NAA35: variants seen among roughly 807,000 people sequenced by gnomAD.
The protein encoded by NAA35 is MAK10 homolog, amino-acid N-acetyltransferase subunit.
In NAA35, 18 loss-of-function variants were observed where a neutral mutation model predicts 101.7. The observed-to-expected ratio is 0.18, with a 90% confidence interval of 0.12 to 0.26. The LOEUF is 0.26. Ranked by LOEUF, NAA35 falls within the 10% of genes least tolerant of loss-of-function variation. The pLI, the probability that NAA35 is intolerant of heterozygous loss-of-function variation, is 1.00. For missense variants in NAA35, 601 were observed against 886.8 expected (o/e 0.68, Z 4.09); for synonymous variants, 267 against 273.1 (o/e 0.98, Z 0.22).
intron 3 of NAA35, among the ~76,000 whole-genome samples, chr9:85,957,994 T>C (rs1013571314): frequency 1.3e-5 from 2 of 151,300 alleles, no homozygotes; most frequent in Admixed American, 6.6e-5. Context: ...CAGGCTGGAG[T>C]GCAACAGTGC....
chr9:86,020,259 G>GGA lies in NAA35; in HGVS notation c.2038-628_2038-627dup, dbSNP rs758395562. Among the ~76,000 whole-genome samples the GGA allele has an allele frequency of 5.9e-5, 9 of 151,938 alleles. No individual in the cohort carries two copies. The East Asian group carries it at 1.4e-3, about 23-fold the overall frequency. On this transcript the variant is annotated intron_variant, in intron 21 of 22. Coordinates refer to ENST00000361671, the MANE Select transcript of NAA35 (RefSeq NM_024635.4). ...GTACCATCTAAGAAAATATAAAGGG[G>GGA]GAGTCTAAAAATTTGAGGAGCTACC...
chr9:85,979,246 C>T (rs1830337411), intron 11 of NAA35, among the ~76,000 whole-genome samples: 1 of 152,198 alleles, frequency 6.6e-6, no homozygotes, highest in South Asian at 2.1e-4. Context: ...CACCCTACTG[C>T]TGTGTCCGGT....
intron 13 of NAA35, among the ~76,000 whole-genome samples, chr9:86,006,720 C>T (rs866631587): frequency 6.6e-6 from 1 of 152,062 alleles, no homozygotes; most frequent in Non-Finnish European, 1.5e-5. Context: ...TGTTCTGTAT[C>T]TTGATTGTGA....
chr9:86,012,420 C>T (rs1418985832), intron 15 of NAA35, among the ~76,000 whole-genome samples: 2 of 152,146 alleles, frequency 1.3e-5, no homozygotes, highest in Admixed American at 1.3e-4. Flanking sequence ...ACTTTCCACT[C>T]TCTAAAGAGT....
intron 6 of NAA35, among the ~76,000 whole-genome samples, chr9:85,969,340 T>C (rs943942970): frequency 2.0e-5 from 3 of 151,428 alleles, no homozygotes; most frequent in African/African-American, 7.3e-5. Flanking sequence ...ACCATATAAA[T>C]AGAAGTAGTC....
At chr9:85,941,460 C>G (rs1828509985) in intron 1 of NAA35, 187 bp downstream of exon 1, 1 of 985,414 alleles carries the variant, frequency 1.0e-6, no homozygotes, top group Non-Finnish European at 1.2e-6. Flanking sequence ...CACTCTTGCC[C>G]GGTGTTGCCG....
chr9:85,971,906 C>T (rs892799071), intron 6 of NAA35, among the ~76,000 whole-genome samples: 2 of 151,782 alleles, frequency 1.3e-5, no homozygotes, highest in Admixed American at 1.3e-4. Context: ...TCATCATCAG[C>T]CCTTGCTTGG....
intron 5 of NAA35, 110 bp downstream of exon 5, chr9:85,959,977 G>C (rs1038949297): frequency 1.4e-6 from 1 of 705,708 alleles, no homozygotes; most frequent in Non-Finnish European, 2.3e-6. Flanking sequence ...TGTAATACTT[G>C]CCCTAGTAAA....
rs985836938 is a variant in NAA35 at position 85,975,724 on chromosome 9, C to A, written c.627+567C>A. On this transcript the variant is annotated intron_variant, in intron 8 of 22. Transcript: ENST00000361671. ...CCACTTGATTCTTTCAACTTTTTGCCAGTGTTTTAGATTTTTACTATGGTA... is the reference window on the plus strand; with the variant it reads ...CCACTTGATTCTTTCAACTTTTTGCAAGTGTTTTAGATTTTTACTATGGTA... 5.3e-5 allele frequency among the ~76,000 whole-genome samples: 8 copies of A among 152,162 alleles called. 1 individual carries two copies. The South Asian group carries it at 1.7e-3, about 32-fold the overall frequency.
intron 11 of NAA35, among the ~76,000 whole-genome samples, chr9:85,980,970 C>T (rs538202593): frequency 5.3e-5 from 8 of 152,264 alleles, no homozygotes; most frequent in African/African-American, 1.7e-4. Flanking sequence ...CTTTTCCACA[C>T]CTACCCTCCA....
chr9:85,946,158 G>A (rs1375744568), intron 2 of NAA35, among the ~76,000 whole-genome samples: 2 of 150,916 alleles, frequency 1.3e-5, no homozygotes, highest in African/African-American at 4.9e-5. Context: ...TCTTTTTAGA[G>A]TTAGGGTTTT....
intron 11 of NAA35, among the ~76,000 whole-genome samples, chr9:85,993,559 G>A (rs530068344): frequency 6.6e-6 from 1 of 152,260 alleles, no homozygotes; most frequent in Non-Finnish European, 1.5e-5. Flanking sequence ...AAAACCTTTC[G>A]GGGTGGTAAA....
At chr9:85,985,964 A>G (rs1316116058) in intron 11 of NAA35, among the ~76,000 whole-genome samples, 1 of 152,234 alleles carries the variant, frequency 6.6e-6, no homozygotes, top group African/African-American at 2.4e-5. Flanking sequence ...AGAGGGAAGC[A>G]TGAGGTTTAG....
chr9:85,968,543 G>A (rs756076474), intron 6 of NAA35, among the ~76,000 whole-genome samples: 1 of 152,106 alleles, frequency 6.6e-6, no homozygotes, highest in Non-Finnish European at 1.5e-5. Flanking sequence ...AGTGGGGTGT[G>A]TGTGTATGTA....
At chr9:86,018,607 T>C (rs927291173) in intron 20 of NAA35, 92 bp from the exon 21 acceptor site, 2 of 1,498,278 alleles carry the variant, frequency 1.3e-6, no homozygotes, top group South Asian at 2.6e-5. Flanking sequence ...TATGAGTGGA[T>C]AGAAAATGTA....
At chr9:85,971,880 G>A (rs76198915) in intron 6 of NAA35, among the ~76,000 whole-genome samples, 6,635 of 146,532 alleles carry the variant, frequency 0.045, 193 homozygotes, top group Middle Eastern at 0.097. Flanking sequence ...CCCCACTGTT[G>A]CAATCCCAAT....
chr9:85,942,697 T>G (rs567670473), intron 2 of NAA35, among the ~76,000 whole-genome samples: 1 of 152,322 alleles, frequency 6.6e-6, no homozygotes, highest in African/African-American at 2.4e-5. Flanking sequence ...TATGGGTCTA[T>G]AAAATCTGGT....
chr9:85,947,797 A>G (rs1325631668), intron 2 of NAA35, among the ~76,000 whole-genome samples: 2 of 151,208 alleles, frequency 1.3e-5, no homozygotes, highest in Admixed American at 1.3e-4. Flanking sequence ...AAGAAGGTTC[A>G]GCTATCACTT....
In NAA35 at chr9:86,007,529, A is replaced by G; in HGVS notation, c.1223+65A>G. 3 of 1,180,618 alleles carry G rather than the reference A, an allele frequency of 2.5e-6. No homozygotes were observed. In the East Asian group the frequency reaches 7.2e-5, roughly 28 times the overall value. The allele number at this position is 1,180,618 out of a possible 1,614,324, so 73.1% of individuals were successfully genotyped here. ...TCCTTTAAAAGCCCAACTTCTCTGT[A>G]CTCCTTCTTTATAGCCAAAGTATCA... On this transcript the variant is annotated intron_variant, in intron 14 of 22. Coordinates refer to ENST00000361671, the MANE Select transcript of NAA35 (RefSeq NM_024635.4).
Sources: allele counts gnomAD v4.1 joint callset (sites outside exome capture counted in the v4.1 genomes callset), GRCh38; gene constraint gnomAD v4.1.1; transcripts MANE v1.5; gene names NCBI Gene and HGNC (gene_info 2026-07-23, HGNC 2026-07-21).